The following GPATCH2 variants were observed in gnomAD, a reference collection of about 807,000 sequenced individuals.
The protein encoded by GPATCH2 is G-patch domain containing 2, also known as G patch domain-containing protein 2.
In GPATCH2, 51 loss-of-function variants were observed where a neutral mutation model predicts 58.0. The ratio of observed to expected loss-of-function variants is 0.88; its 90% confidence interval spans 0.70 to 1.11. The LOEUF is 1.11. GPATCH2 is among the 50% of genes most tolerant of loss of function. The pLI, the probability that GPATCH2 is intolerant of heterozygous loss-of-function variation, is 0.00. For missense variants in GPATCH2, 625 were observed against 652.2 expected, an observed-to-expected ratio of 0.96 and a Z score of 0.45; for synonymous variants, 222 against 218.5, an observed-to-expected ratio of 1.02 and a Z score of -0.14.
At chr1:217,484,063 T>A (rs919869269) in intron 8 of GPATCH2, among the ~76,000 whole-genome samples, 2 of 152,192 alleles carry the variant, frequency 1.3e-5, no homozygotes, top group South Asian at 4.1e-4. Flanking sequence ...TGTTGGTTAC[T>A]TTTAACCAAC....
chr1:217,492,148 C>T (rs1205151793), intron 7 of GPATCH2, among the ~76,000 whole-genome samples: 3 of 152,078 alleles, frequency 2.0e-5, no homozygotes, highest in East Asian at 1.9e-4. Context: ...CTCTTGTCAA[C>T]GGCCTTCACT....
intron 5 of GPATCH2, among the ~76,000 whole-genome samples, chr1:217,594,193 T>A (rs1338279100): frequency 6.6e-6 from 1 of 152,114 alleles, no homozygotes; most frequent in Non-Finnish European, 1.5e-5. Flanking sequence ...TAACTCATAA[T>A]TTTTTCACAC....
chr1:217,507,998 T>A (rs1241075726), intron 6 of GPATCH2, among the ~76,000 whole-genome samples: 1 of 152,148 alleles, frequency 6.6e-6, no homozygotes, highest in African/African-American at 2.4e-5. Context: ...AAGTATGTCA[T>A]CATTATCATC....
chr1:217,573,242 TCA>T (rs1255062643), intron 5 of GPATCH2, among the ~76,000 whole-genome samples: 3 of 152,262 alleles, frequency 2.0e-5, no homozygotes, highest in Admixed American at 1.3e-4. Context: ...AACCCCACTA[TCA>T]CAGTGTTTCT....
chr1:217,467,197 T>C (rs780068266), intron 8 of GPATCH2, among the ~76,000 whole-genome samples: 7 of 152,046 alleles, frequency 4.6e-5, no homozygotes, highest in Non-Finnish European at 8.8e-5. Flanking sequence ...CAAAACCCAT[T>C]TTGGGGAAGA....
intron 1 of GPATCH2, among the ~76,000 whole-genome samples, chr1:217,621,406 G>A (rs181828031): frequency 7.2e-5 from 11 of 152,170 alleles, no homozygotes; most frequent in Non-Finnish European, 1.6e-4. Flanking sequence ...TTCTAAAATC[G>A]AGATCTAGAG....
At chr1:217,535,919 T>A (rs763244352) in intron 5 of GPATCH2, among the ~76,000 whole-genome samples, 3 of 152,222 alleles carry the variant, frequency 2.0e-5, no homozygotes, top group Non-Finnish European at 2.9e-5. Flanking sequence ...TCTTTTAACT[T>A]TGCCCATCCC....
In GPATCH2 at chr1:217,585,716, C is replaced by T. The variant is rs984069379; in HGVS notation, c.1098+24605G>A. Among the ~76,000 whole-genome samples, 14 of 152,132 alleles carry T rather than the reference C, an allele frequency of 9.2e-5. 1 individual carries two copies. The highest frequency in any genetic ancestry group is 1.9e-4 in the East Asian group (1 of 5,192). ...GACTCACAAGATTGCTTAGAGATTG[C>T]ACAAATATGTAGCACTAAAGCCATG... On this transcript the variant is annotated intron_variant, in intron 5 of 9. Coordinates refer to ENST00000366935, the MANE Select transcript of GPATCH2 (RefSeq NM_018040.5).
At chr1:217,451,250 A>G (rs1169112203) in intron 8 of GPATCH2, among the ~76,000 whole-genome samples, 1 of 152,198 alleles carries the variant, frequency 6.6e-6, no homozygotes, top group Non-Finnish European at 1.5e-5. Context: ...TTGTGCTTCC[A>G]TGGAAAAACT....
At chr1:217,620,620 G>T in intron 1 of GPATCH2, 121 bp from the exon 2 acceptor site, 1 of 637,442 alleles carries the variant, frequency 1.6e-6, no homozygotes, top group Non-Finnish European at 2.7e-6. Flanking sequence ...ATGTTTCAAA[G>T]CTAATTTTCC....
intron 8 of GPATCH2, among the ~76,000 whole-genome samples, chr1:217,474,538 T>G (rs539284656): frequency 6.6e-6 from 1 of 152,352 alleles, no homozygotes; most frequent in East Asian, 1.9e-4. Flanking sequence ...AATCCCTTTT[T>G]ACAGAGGTCC....
At chr1:217,557,643 A>G (rs550325421) in intron 5 of GPATCH2, among the ~76,000 whole-genome samples, 66 of 152,296 alleles carry the variant, frequency 4.3e-4, no homozygotes, top group African/African-American at 1.5e-3. Flanking sequence ...CCCTACATGG[A>G]TAACTGATTA....
At chr1:217,595,745 G>A (rs897830143) in intron 5 of GPATCH2, among the ~76,000 whole-genome samples, 3 of 151,850 alleles carry the variant, frequency 2.0e-5, no homozygotes, top group African/African-American at 7.3e-5. Flanking sequence ...AGTGTTCCAC[G>A]CATCTCAGCC....
chr1:217,496,340 A>G (rs1662004921), intron 7 of GPATCH2, among the ~76,000 whole-genome samples: 1 of 152,164 alleles, frequency 6.6e-6, no homozygotes, highest in Non-Finnish European at 1.5e-5. Flanking sequence ...AGCCTCTAAC[A>G]CGTTTCCAGC....
intron 8 of GPATCH2, among the ~76,000 whole-genome samples, chr1:217,484,286 C>T (rs1008056034): frequency 1.3e-4 from 20 of 152,210 alleles, no homozygotes; most frequent in African/African-American, 4.8e-4. Context: ...AGAGGTACCT[C>T]TTCCTACCTG....
At chr1:217,628,204 A>C (rs1166547454) in intron 1 of GPATCH2, among the ~76,000 whole-genome samples, 2 of 152,074 alleles carry the variant, frequency 1.3e-5, no homozygotes, top group African/African-American at 4.8e-5. Context: ...TGAATGACTA[A>C]ATGACTGAAC....
intron 2 of GPATCH2, among the ~76,000 whole-genome samples, chr1:217,616,046 T>C (rs919829357): frequency 1.3e-5 from 2 of 152,108 alleles, no homozygotes; most frequent in African/African-American, 4.8e-5. Context: ...TAATAAACTA[T>C]GAACTTTACT....
chr1:217,622,400 A>T (rs1046850408), intron 1 of GPATCH2, among the ~76,000 whole-genome samples: 2 of 152,228 alleles, frequency 1.3e-5, no homozygotes, highest in African/African-American at 4.8e-5. Context: ...TTCCATGGGC[A>T]TTCTGAATGT....
chr1:217,606,385 A>T (rs751180366), intron 5 of GPATCH2, among the ~76,000 whole-genome samples: 17 of 152,060 alleles, frequency 1.1e-4, no homozygotes, highest in Non-Finnish European at 2.4e-4. Context: ...CAGTTCAAAT[A>T]TAAAAGAGGT....
Sources: gnomAD v4.1 joint callset for allele counts (sites outside exome capture counted in the v4.1 genomes callset) on GRCh38, gnomAD v4.1.1 for gene constraint, MANE v1.5 for transcripts, NCBI Gene and HGNC (gene_info 2026-07-23, HGNC 2026-07-21) for gene names.